INSYN2A: variants seen among roughly 807,000 people sequenced by gnomAD.
INSYN2A encodes family with sequence similarity 196 member A.
INSYN2A carries 17 observed loss-of-function variants against 39.4 expected under a neutral mutation model. The ratio of observed to expected loss-of-function variants is 0.43; its 90% CI spans 0.30 to 0.65. INSYN2A has a LOEUF of 0.65. INSYN2A is among the 30% of genes least tolerant of loss of function. INSYN2A has a pLI of 0.14. For missense variants in INSYN2A, 595 were observed against 631.2 expected (o/e 0.94, Z 0.61); for synonymous variants, 255 against 265.7 (o/e 0.96, Z 0.39).
chr10:127,165,361 A>G (rs1190341196), intron 4 of INSYN2A, among the ~76,000 whole-genome samples: 1 of 152,204 alleles, frequency 6.6e-6, no homozygotes, highest in African/African-American at 2.4e-5. Flanking sequence ...CTTGTTGCCA[A>G]AGACTAAAAT....
chr10:127,140,465 A>G (rs2051122725), intron 5 of INSYN2A, among the ~76,000 whole-genome samples: 1 of 152,074 alleles, frequency 6.6e-6, no homozygotes. Context: ...CCATCTCCCC[A>G]TCTGTCACAT....
At chr10:127,161,341 C>G (rs2053577967) in intron 4 of INSYN2A, among the ~76,000 whole-genome samples, 1 of 152,172 alleles carries the variant, frequency 6.6e-6, no homozygotes, top group South Asian at 2.1e-4. Context: ...CTTCATTAGT[C>G]AAAGGCGGTA....
At chr10:127,181,204 G>T (rs770538313) in intron 2 of INSYN2A, among the ~76,000 whole-genome samples, 3 of 152,196 alleles carry the variant, frequency 2.0e-5, no homozygotes, top group Non-Finnish European at 4.4e-5. Flanking sequence ...ACGTGCCTGC[G>T]TATGTATTTG....
chr10:127,172,224 G>T (rs544983884), intron 4 of INSYN2A, among the ~76,000 whole-genome samples: 1 of 152,280 alleles, frequency 6.6e-6, no homozygotes, highest in East Asian at 1.9e-4. Flanking sequence ...TGCCCTTCAA[G>T]GGATTGGTTG....
chr10:127,195,057 CCCCCACTCCTG>C (rs536121670), intron 1 of INSYN2A, among the ~76,000 whole-genome samples: 1 of 152,326 alleles, frequency 6.6e-6, no homozygotes, highest in South Asian at 2.1e-4. Flanking sequence ...CACCTCTCCT[CCCCCACTCCTG>C]GCATCTCTTT....
chr10:127,179,146 C>T (rs2055472936), intron 2 of INSYN2A, among the ~76,000 whole-genome samples: 1 of 152,204 alleles, frequency 6.6e-6, no homozygotes, highest in Non-Finnish European at 1.5e-5. Context: ...ATAAGTTTGT[C>T]CTGCCATGCT....
intron 4 of INSYN2A, among the ~76,000 whole-genome samples, chr10:127,169,548 T>C (rs1374837405): frequency 6.6e-6 from 1 of 152,212 alleles, no homozygotes; most frequent in East Asian, 1.9e-4. Flanking sequence ...GTGGCCCAAA[T>C]CTGGCTACCA....
Position 127,138,036 on chromosome 10 carries a change from A to C in INSYN2A, c.1257-16T>G, listed in dbSNP as rs546571443. 15 of 1,590,122 alleles carry C rather than the reference A, an allele frequency of 9.4e-6. No homozygotes were observed. In the East Asian group the frequency reaches 2.2e-4, roughly 24 times the overall value. On this transcript the variant is annotated splice_polypyrimidine_tract_variant and intron_variant, in intron 5 of 5. Coordinates refer to ENST00000522781, the MANE Select transcript of INSYN2A (RefSeq NM_001039762.3). ...CAGCTCCACACTAGAAAAGAGAGAG[A>C]GTGAAGACTTTAGCATTTGATCTTT...
At chr10:127,157,480 C>T (rs1383952486) in intron 4 of INSYN2A, among the ~76,000 whole-genome samples, 1 of 152,222 alleles carries the variant, frequency 6.6e-6, no homozygotes, top group Non-Finnish European at 1.5e-5. Context: ...GGAAACACTT[C>T]TTGACTTTTA....
intron 2 of INSYN2A, among the ~76,000 whole-genome samples, chr10:127,190,282 G>A (rs1380447319): frequency 2.0e-5 from 3 of 152,136 alleles, no homozygotes; most frequent in East Asian, 3.9e-4. Context: ...ATGGCCAGAC[G>A]TCAGTACTGT....
chr10:127,196,516 G>A lies in INSYN2A; in HGVS notation c.-914C>T, dbSNP rs1349070287. On this transcript the variant is annotated 5_prime_UTR_variant, in exon 1 of 6. Coordinates refer to ENST00000522781, the MANE Select transcript of INSYN2A (RefSeq NM_001039762.3). ...TCCCAGCTACTCCGCGGAGCCGGGC[G>A]GCCAGAGGCGAGGGCGCCCCAAGCC... Among the ~76,000 whole-genome samples the A allele has an allele frequency of 2.0e-5, 3 of 147,934 alleles. No homozygotes were observed. The highest frequency in any genetic ancestry group is 2.0e-4 in the East Asian group (1 of 5,064).
chr10:127,138,174 G>A (rs1203458317), intron 5 of INSYN2A, among the ~76,000 whole-genome samples, 154 bp from the exon 6 acceptor site: 1 of 152,168 alleles, frequency 6.6e-6, no homozygotes, highest in Non-Finnish European at 1.5e-5. Flanking sequence ...TTTTAGCTCT[G>A]TGCTCCCGTG....
At chr10:127,177,557 C>T (rs752097352) in intron 2 of INSYN2A, among the ~76,000 whole-genome samples, 28 of 152,314 alleles carry the variant, frequency 1.8e-4, no homozygotes, top group Admixed American at 3.9e-4. Flanking sequence ...GTACGGGGCC[C>T]GAGTGGCTGG....
At position 127,175,206 on chromosome 10, in the gene INSYN2A, A is replaced by G. The variant is rs1219380711; in HGVS notation, c.1184+6T>C. The G allele has an allele frequency of 6.2e-7, 1 of 1,605,924 alleles. No homozygotes were observed. The highest frequency in any genetic ancestry group is 8.5e-7 in the Non-Finnish European group (1 of 1,175,650). ...AGCTTCCTAAGACATGGGTGAACAT[A>G]CATACCCTTCCCGATGGGCCTCTCC... On this transcript the variant is annotated splice_donor_region_variant and intron_variant, in intron 4 of 5. Transcript: ENST00000522781. This position sits in a 1 kb window ranked among gnomAD's most constrained non-coding sequence, Gnocchi z 6.3.
rs1432540885 is a variant in INSYN2A, at chr10:127,175,788, C to G, written c.608G>C (p.Ser203Thr). 6 of 1,614,020 alleles carry G rather than the reference C, an allele frequency of 3.7e-6. No individual in the cohort carries two copies. The highest frequency in any genetic ancestry group is 1.3e-5 in the African/African-American group (1 of 74,918). Reference protein sequence around the residue: ...TEPCKSPEPLSYGEAALQNST... With the variant: ...TEPCKSPEPLTYGEAALQNST... ...GTTTTGGAGCGCAGCTTCTCCATAG[C>G]TGAGCGGCTCCGGGCTTTTACAGGG... The change falls in exon 4 of 6, where the codon AGC becomes ACC. Residue 203 changes from serine to threonine, a missense_variant. By Grantham distance (58) the Ser-to-Thr change is moderately conservative. Transcript: ENST00000522781. The surrounding 1 kb of genome is among the most constrained non-coding windows in gnomAD (Gnocchi z 6.3).
intron 5 of INSYN2A, among the ~76,000 whole-genome samples, chr10:127,143,634 T>C (rs141048154): frequency 6.6e-6 from 1 of 152,168 alleles, no homozygotes; most frequent in Non-Finnish European, 1.5e-5. Flanking sequence ...CAACTGACAT[T>C]GGCGCCAACT....
intron 5 of INSYN2A, among the ~76,000 whole-genome samples, chr10:127,150,477 A>G (rs907415443): frequency 6.6e-6 from 1 of 152,298 alleles, no homozygotes; most frequent in Admixed American, 6.5e-5. Context: ...CTGATGTGCT[A>G]GATTAACCAT....
chr10:127,175,725 A>C lies in INSYN2A; in HGVS notation c.671T>G (p.Leu224Arg). The C allele has an allele frequency of 6.2e-7, 1 of 1,614,000 alleles. No individual in the cohort carries two copies. The highest frequency in any genetic ancestry group is 8.5e-7 in the Non-Finnish European group (1 of 1,179,996). ...RPPSEEPDYQ[L>R]LGRAKQDRGR... is the part of the protein sequence containing the mutation. Reference sequence around the variant, plus strand: ...CCGGTCCTGCTTGGCCCTCCCGAGCAGCTGGTAATCGGGCTCTTCGGATGG... The same window carrying C: ...CCGGTCCTGCTTGGCCCTCCCGAGCCGCTGGTAATCGGGCTCTTCGGATGG... The change falls in exon 4 of 6, where the codon CTG becomes CGG. Residue 224 changes from leucine (L) to arginine (R), a missense_variant. This residue lies in a region of INSYN2A where 478 missense variants were observed against 467.4 expected (regional missense o/e 1.02). Coordinates refer to ENST00000522781, the MANE Select transcript of INSYN2A (RefSeq NM_001039762.3). This position sits in a 1 kb window ranked among gnomAD's most constrained non-coding sequence, Gnocchi z 6.3.
chr10:127,178,571 CG>C (rs2055408097), intron 2 of INSYN2A, among the ~76,000 whole-genome samples: 1 of 152,160 alleles, frequency 6.6e-6, no homozygotes, highest in Non-Finnish European at 1.5e-5. Context: ...CTGGATGCCT[CG>C]GGCTCTTGTT....
Sources: gnomAD v4.1 joint callset for allele counts (sites outside exome capture counted in the v4.1 genomes callset) on GRCh38, gnomAD v4.1.1 for gene constraint, gnomAD v4.1.1 regional missense constraint, Gnocchi (gnomAD v3.1) non-coding constraint, MANE v1.5 for transcripts, NCBI Gene and HGNC (gene_info 2026-07-23, HGNC 2026-07-21) for gene names.